Variants in ZNF559 observed in about 807,000 individuals in gnomAD.
The protein encoded by ZNF559 is zinc finger protein 559.
Under a neutral mutation model 14.2 loss-of-function variants are expected in ZNF559, and 17 were observed. That is an observed-to-expected ratio of 1.20 (90% CI 0.82 to 1.80). The LOEUF (loss-of-function observed/expected upper bound fraction) is 1.80, where lower values mean the gene tolerates loss of function less well. ZNF559 is among the 40% of genes most tolerant of loss of function. The pLI is 0.00. For missense variants in ZNF559, 740 were observed against 629.7 expected, an observed-to-expected ratio of 1.18 and a Z score of -1.88; for synonymous variants, 244 against 212.4, an observed-to-expected ratio of 1.15 and a Z score of -1.29.
chr19:9,342,315 A>G lies in ZNF559; in HGVS notation c.864A>G (p.Ile288Met). Residue 288 changes from isoleucine (I) to methionine (M), a missense_variant, in exon 7 of 7, where the codon ATA (isoleucine) becomes ATG (methionine). Transcript: ENST00000603380. ...FAFSPDLAKH[I>M]RLRTRGKHYV... ...TTTCCCCAGATCTTGCTAAACATAT[A>G]AGACTTAGAACTAGAGGAAAACACT... 1.3e-6 allele frequency: 2 copies of G among 1,597,210 alleles called. No homozygotes were observed. Among genetic ancestry groups the G allele is most frequent in the Non-Finnish European group, 8.5e-7 (1 of 1,174,278 alleles).
At position 9,343,467 on chromosome 19, in the gene ZNF559, C is replaced by G; in HGVS notation, c.*399C>G. The G allele has an allele frequency of 3.9e-6, 4 of 1,032,196 alleles. No individual in the cohort carries two copies. Among genetic ancestry groups the G allele is most frequent in the Non-Finnish European group, 4.7e-6 (4 of 857,600 alleles). 63.9% of individuals were successfully genotyped at this position (1,032,196 alleles called of 1,614,324 possible). A position where few individuals can be genotyped will look rare whatever the true frequency, so the allele number is the denominator to read the frequency against. ...CACATTGGATATAAATGCACGTCCT[C>G]TGGCTGTAAGGAATGTGTTGAAACC... On this transcript the variant is annotated 3_prime_UTR_variant, in exon 7 of 7. Transcript: ENST00000603380.
At chr19:9,340,606 C>T (rs1053892812) in intron 5 of ZNF559, among the ~76,000 whole-genome samples, 10 of 144,488 alleles carry the variant, frequency 6.9e-5, no homozygotes, top group East Asian at 2.1e-4. Flanking sequence ...CTTGCTCTAT[C>T]GCCAGGCTGA....
chr19:9,342,114 C>T lies in ZNF559; in HGVS notation c.663C>T (p.Thr221=). 1 of 1,613,420 alleles carries T rather than the reference C, an allele frequency of 6.2e-7. No individual in the cohort carries two copies. The highest frequency in any genetic ancestry group is 8.5e-7 in the Non-Finnish European group (1 of 1,179,860). Residue 221 remains threonine, a synonymous_variant, in exon 7 of 7, where the codon ACC becomes ACT. Transcript: ENST00000603380. ...ATACTCATAAGGAGTATGTCGAAAC[C>T]TTTTCTCATTCTACAGCCCTTTTTG... ...RPYTHKEYVE[T]FSHSTALFVH...
chr19:9,325,361 G>C (rs1464546190), intron 2 of ZNF559, among the ~76,000 whole-genome samples: 1 of 152,024 alleles, frequency 6.6e-6, no homozygotes, highest in Non-Finnish European at 1.5e-5. Flanking sequence ...AGGATCACTT[G>C]AGCATGGGAG....
At chr19:9,328,020 A>G (rs1348826316) in intron 2 of ZNF559, among the ~76,000 whole-genome samples, 2 of 152,214 alleles carry the variant, frequency 1.3e-5, no homozygotes, top group Non-Finnish European at 2.9e-5. Flanking sequence ...ATGGCCTTAC[A>G]GTGGACATCT....
intron 4 of ZNF559, 58 bp from the exon 5 acceptor site, chr19:9,339,135 C>T: frequency 6.2e-7 from 1 of 1,608,720 alleles, no homozygotes; most frequent in South Asian, 1.1e-5. Context: ...CCCTCATTCT[C>T]CAGTCAACAT....
At chr19:9,323,974 T>C, upstream of ZNF559, 1 of 591,536 alleles carries the variant, frequency 1.7e-6, no homozygotes, top group East Asian at 2.8e-5. Context: ...TTTGTCTAAT[T>C]CTTTGTTCAA....
intron 2 of ZNF559, among the ~76,000 whole-genome samples, chr19:9,327,438 G>A (rs1030314969): frequency 6.6e-6 from 1 of 152,074 alleles, no homozygotes; most frequent in Non-Finnish European, 1.5e-5. Flanking sequence ...AGTAGAGAAG[G>A]GGTTTCACCC....
At chr19:9,325,530 C>T (rs958805231) in intron 2 of ZNF559, among the ~76,000 whole-genome samples, 7 of 152,012 alleles carry the variant, frequency 4.6e-5, no homozygotes, top group Non-Finnish European at 2.9e-5. Context: ...TGGTGGCTCA[C>T]GCCTGTAATC....
rs2067675521 is a variant in ZNF559 at position 9,343,893 on chromosome 19, T to C, written c.*825T>C. 1 of 803,342 alleles carries C rather than the reference T, an allele frequency of 1.2e-6. No homozygotes were observed. Among genetic ancestry groups the C allele is most frequent in the Non-Finnish European group, 1.5e-6 (1 of 664,216 alleles). The allele number at this position is 803,342 out of a possible 1,614,324, so 49.8% of individuals were successfully genotyped here. ...TCACGGTTACAGATGGAACTCTTTATTATTGAGGAGTTCCACTCTTTCCCC... is the reference window on the plus strand; with the variant it reads ...TCACGGTTACAGATGGAACTCTTTACTATTGAGGAGTTCCACTCTTTCCCC... On this transcript the variant is annotated 3_prime_UTR_variant, in exon 7 of 7. Transcript: ENST00000603380.
chr19:9,325,144 A>G (rs981837969), intron 2 of ZNF559, among the ~76,000 whole-genome samples: 66 of 152,186 alleles, frequency 4.3e-4, no homozygotes, highest in African/African-American at 1.4e-3. Context: ...CCAGTTACTC[A>G]TTTGAAAGTC....
intron 2 of ZNF559, among the ~76,000 whole-genome samples, chr19:9,337,435 A>G (rs2067301035): frequency 6.6e-6 from 1 of 152,206 alleles, no homozygotes; most frequent in African/African-American, 2.4e-5. Context: ...TTCTCAAGAG[A>G]GTGCAGGGTT....
rs373810865 is a variant in ZNF559 at position 9,339,168 on chromosome 19, C to T, written c.34-25C>T. 9.9e-5 allele frequency: 159 copies of T among 1,612,684 alleles called. No homozygotes were observed. The Middle Eastern group carries it at 1.3e-3, about 13-fold the overall frequency. ...CATAGTGGAGAACGTACTTGCCTGACGCCAGCATGTGTGTGATGGTTTAGG... is the reference window on the plus strand; with the variant it reads ...CATAGTGGAGAACGTACTTGCCTGATGCCAGCATGTGTGTGATGGTTTAGG... On this transcript the variant is annotated intron_variant, in intron 4 of 6. Coordinates refer to ENST00000603380, the MANE Select transcript of ZNF559 (RefSeq NM_032497.3).
chr19:9,324,440 C>A, intron 1 of ZNF559: 1 of 1,437,888 alleles, frequency 7.0e-7, no homozygotes, highest in South Asian at 1.5e-5. Flanking sequence ...TGCGCTGGGG[C>A]CTCGGCCCGG....
At chr19:9,338,068 A>G in intron 3 of ZNF559, 6 of 1,488,916 alleles carry the variant, frequency 4.0e-6, no homozygotes, top group Non-Finnish European at 5.4e-6. Context: ...CAGTCTGTGA[A>G]CAGCTTGTCT....
At chr19:9,332,806 C>A (rs892549272) in intron 2 of ZNF559, among the ~76,000 whole-genome samples, 4 of 152,132 alleles carry the variant, frequency 2.6e-5, no homozygotes, top group South Asian at 2.1e-4. Flanking sequence ...TATCTTCTTT[C>A]TTAGCAAAGC....
intron 2 of ZNF559, among the ~76,000 whole-genome samples, chr19:9,336,680 G>A (rs2067259421): frequency 6.6e-6 from 1 of 152,038 alleles, no homozygotes; most frequent in African/African-American, 2.4e-5. Flanking sequence ...GACATTTTTT[G>A]TATAGTTGAC....
intron 2 of ZNF559, among the ~76,000 whole-genome samples, chr19:9,330,658 A>G (rs1210712096): frequency 4.6e-5 from 7 of 152,116 alleles, no homozygotes; most frequent in Middle Eastern, 3.4e-3. Flanking sequence ...GTTCTTTATC[A>G]TTTCAATCTC....
intron 2 of ZNF559, among the ~76,000 whole-genome samples, chr19:9,327,707 C>T (rs1370088270): frequency 6.6e-6 from 1 of 152,000 alleles, no homozygotes; most frequent in East Asian, 1.9e-4. Flanking sequence ...TTTCACTGCC[C>T]TCTATACTTT....
Sources: gnomAD v4.1 joint callset for allele counts (sites outside exome capture counted in the v4.1 genomes callset) on GRCh38, gnomAD v4.1.1 for gene constraint, MANE v1.5 for transcripts, NCBI Gene and HGNC (gene_info 2026-07-23, HGNC 2026-07-21) for gene names.